LUZP2: variants seen among roughly 807,000 people sequenced by gnomAD.
LUZP2 encodes the protein leucine zipper protein 2.
In LUZP2, 52 loss-of-function variants were observed where a neutral mutation model predicts 51.6. That is an observed-to-expected ratio of 1.01 (90% confidence interval 0.81 to 1.27). The LOEUF (loss-of-function observed/expected upper bound fraction) is 1.27. Among genes scored for constraint, LUZP2 ranks in the 50% most tolerant of loss-of-function variants. LUZP2 has a pLI of 0.00. For synonymous variants in LUZP2, 154 were observed against 137.3 expected (o/e 1.12, Z -0.85); for missense variants, 436 against 395.4 (o/e 1.10, Z -0.87).
In LUZP2 at chr11:24,657,475, T is replaced by C. The variant is rs555667489; in HGVS notation, c.63-71694T>C. Among the ~76,000 whole-genome samples the C allele has an allele frequency of 5.3e-4, 80 of 152,292 alleles. No individual in the cohort carries two copies. The South Asian group carries it at 0.016, about 30-fold the overall frequency. On this transcript the variant is annotated intron_variant, in intron 1 of 11. Coordinates refer to ENST00000336930, the MANE Select transcript of LUZP2 (RefSeq NM_001009909.4). ...GACAAACTCACAGCCAATATCATAA[T>C]GAATGGGCAAAAACTGGAGGCATTC...
chr11:24,994,493 A>G (rs1590812997), intron 9 of LUZP2, among the ~76,000 whole-genome samples: 1 of 152,190 alleles, frequency 6.6e-6, no homozygotes, highest in African/African-American at 2.4e-5. Flanking sequence ...CTATATGCCT[A>G]TCTATCTGAC....
intron 5 of LUZP2, among the ~76,000 whole-genome samples, chr11:24,832,309 A>G (rs1400048615): frequency 6.6e-6 from 1 of 151,946 alleles, no homozygotes; most frequent in Non-Finnish European, 1.5e-5. Flanking sequence ...ATCTCCTGTA[A>G]CAGCCCTGAT....
intron 4 of LUZP2, among the ~76,000 whole-genome samples, chr11:24,741,070 T>C (rs963546483): frequency 6.6e-6 from 1 of 152,104 alleles, no homozygotes; most frequent in African/African-American, 2.4e-5. Context: ...ACTATTAAAA[T>C]AATATATTCA....
intron 4 of LUZP2, among the ~76,000 whole-genome samples, chr11:24,744,968 A>C (rs985764020): frequency 6.6e-6 from 1 of 152,124 alleles, no homozygotes; most frequent in African/African-American, 2.4e-5. Flanking sequence ...TTCTTGTCCC[A>C]GTGCTCATTC....
intron 1 of LUZP2, among the ~76,000 whole-genome samples, chr11:24,497,562 A>G (rs1318295635): frequency 6.6e-6 from 1 of 152,220 alleles, no homozygotes; most frequent in Non-Finnish European, 1.5e-5. Context: ...GAAGGAGAGA[A>G]AAGACATTTT....
In LUZP2 at chr11:24,856,355, A is replaced by G. The variant is rs192492969; in HGVS notation, c.397-49636A>G. On this transcript the variant is annotated intron_variant, in intron 5 of 11. Coordinates refer to ENST00000336930, the MANE Select transcript of LUZP2 (RefSeq NM_001009909.4). ...AAAATGTTCAACATCACTAAACATC[A>G]AGAAATGTGAATTAAAACCAAAATG... Among the ~76,000 whole-genome samples, 184 of 152,244 alleles carry G rather than the reference A, an allele frequency of 1.2e-3. 4 individuals carry two copies. Among genetic ancestry groups the G allele is most frequent in the Admixed American group, 3.9e-4 (6 of 15,296 alleles).
Position 25,077,315 on chromosome 11 carries a change from T to A in LUZP2, c.859-14T>A. The stretch of plus-strand genomic sequence containing the variant: ...TTAACTTCATTGATGTATTTTTAAT[T>A]GCTACTTTTGTAGGAGGGCAGACCG... On this transcript the variant is annotated splice_polypyrimidine_tract_variant and intron_variant, in intron 10 of 11. Transcript: ENST00000336930. 6.2e-7 allele frequency: 1 copy of A among 1,601,270 alleles called. No individual in the cohort carries two copies. Among genetic ancestry groups the A allele is most frequent in the Non-Finnish European group, 8.6e-7 (1 of 1,168,922 alleles).
At chr11:24,603,673 T>C (rs1239874587) in intron 1 of LUZP2, among the ~76,000 whole-genome samples, 1 of 151,822 alleles carries the variant, frequency 6.6e-6, no homozygotes, top group Non-Finnish European at 1.5e-5. Context: ...GTGTCTACAC[T>C]ACATTAGCCT....
chr11:24,745,563 C>T (rs1198873859), intron 4 of LUZP2, among the ~76,000 whole-genome samples: 1 of 152,012 alleles, frequency 6.6e-6, no homozygotes, highest in Non-Finnish European at 1.5e-5. Flanking sequence ...CATGAATTGC[C>T]CTTTCTACCA....
At chr11:24,956,480 T>C (rs933100240) in intron 7 of LUZP2, among the ~76,000 whole-genome samples, 5 of 152,128 alleles carry the variant, frequency 3.3e-5, no homozygotes, top group African/African-American at 9.7e-5. Context: ...TAATCTGCTA[T>C]TGGCAGTAAT....
intron 9 of LUZP2, among the ~76,000 whole-genome samples, chr11:25,027,783 T>C (rs553995106): frequency 1.3e-5 from 2 of 151,624 alleles, no homozygotes; most frequent in Admixed American, 6.6e-5. Context: ...AGGCAGAGAA[T>C]TGCTTGAACC....
At chr11:24,901,383 C>T (rs1424314286) in intron 5 of LUZP2, among the ~76,000 whole-genome samples, 2 of 142,778 alleles carry the variant, frequency 1.4e-5, no homozygotes, top group African/African-American at 5.1e-5. Context: ...TGAACTTTGA[C>T]CCTTACCTCA....
intron 1 of LUZP2, among the ~76,000 whole-genome samples, chr11:24,617,438 A>G (rs1326671542): frequency 1.3e-5 from 2 of 152,180 alleles, no homozygotes; most frequent in African/African-American, 4.8e-5. Flanking sequence ...TATTTCTAAC[A>G]TCTGTTATCT....
chr11:24,962,819 T>C (rs1438130982), intron 7 of LUZP2, among the ~76,000 whole-genome samples: 1 of 152,234 alleles, frequency 6.6e-6, no homozygotes, highest in Non-Finnish European at 1.5e-5. Flanking sequence ...CTGCGTTCCT[T>C]TGGAGGAAGA....
At chr11:25,054,942 T>A (rs1217327793) in intron 10 of LUZP2, among the ~76,000 whole-genome samples, 2 of 28,742 alleles carry the variant, frequency 7.0e-5, no homozygotes, top group African/African-American at 1.5e-4. Flanking sequence ...ATTGTCTTAA[T>A]AATACTGTTT....
intron 1 of LUZP2, among the ~76,000 whole-genome samples, chr11:24,530,417 A>G (rs1236204183): frequency 6.6e-6 from 1 of 150,838 alleles, no homozygotes; most frequent in East Asian, 1.9e-4. Flanking sequence ...ACACACATAT[A>G]TATGTGTACA....
At chr11:24,947,837 G>A (rs1854942927) in intron 7 of LUZP2, among the ~76,000 whole-genome samples, 1 of 151,836 alleles carries the variant, frequency 6.6e-6, no homozygotes, top group Non-Finnish European at 1.5e-5. Context: ...TAGTCTTGGT[G>A]TGGTCTCTTG....
At chr11:24,630,917 A>G (rs1854866971) in intron 1 of LUZP2, among the ~76,000 whole-genome samples, 2 of 151,582 alleles carry the variant, frequency 1.3e-5, no homozygotes, top group African/African-American at 2.4e-5. Flanking sequence ...TCTTTCCTCT[A>G]CTTGGTTAAA....
At chr11:25,059,539 C>T (rs2134036860) in intron 10 of LUZP2, among the ~76,000 whole-genome samples, 1 of 152,178 alleles carries the variant, frequency 6.6e-6, no homozygotes, top group East Asian at 1.9e-4. Flanking sequence ...CAAACACATG[C>T]ATGTATCATA....
Sources: gnomAD v4.1 joint callset for allele counts (sites outside exome capture counted in the v4.1 genomes callset) on GRCh38, gnomAD v4.1.1 for gene constraint, MANE v1.5 for transcripts, NCBI Gene and HGNC (gene_info 2026-07-23, HGNC 2026-07-21) for gene names.